KLHL32: variants seen among roughly 807,000 people sequenced by gnomAD.
KLHL32 encodes the protein kelch-like protein 32.
KLHL32 carries 35 observed loss-of-function variants against 64.8 expected under a neutral mutation model. The observed-to-expected ratio is 0.54, with a 90% CI of 0.41 to 0.72. KLHL32 has a LOEUF of 0.72. Ranked by LOEUF, KLHL32 falls within the 30% of genes least tolerant of loss-of-function variation. The pLI is 0.00. For missense variants in KLHL32, 589 were observed against 768.5 expected (o/e 0.77, Z 2.76); for synonymous variants, 259 against 281.0 (o/e 0.92, Z 0.78).
chr6:97,028,737 A>G (rs1255583125), intron 3 of KLHL32, among the ~76,000 whole-genome samples: 1 of 152,212 alleles, frequency 6.6e-6, no homozygotes, highest in African/African-American at 2.4e-5. Flanking sequence ...GCGAGAGATC[A>G]AACAGCCTCT....
At chr6:97,050,751 C>G (rs919417756) in intron 4 of KLHL32, among the ~76,000 whole-genome samples, 1 of 152,138 alleles carries the variant, frequency 6.6e-6, no homozygotes, top group African/African-American at 2.4e-5. Flanking sequence ...GCCTGTAATC[C>G]CAGCACTTTG....
At chr6:96,919,208 A>G in the KLHL32 span, among the ~76,000 whole-genome samples, 383 of 152,334 alleles carry the variant, frequency 2.5e-3, 1 homozygote, top group African/African-American at 8.8e-3. Flanking sequence ...AGCCACCAGT[A>G]TCCTTCCAAT....
intron 9 of KLHL32, 108 bp downstream of exon 9, chr6:97,131,057 G>C (rs1331123088): frequency 1.1e-6 from 1 of 900,278 alleles, no homozygotes; most frequent in African/African-American, 1.7e-5. Flanking sequence ...CATAGTTGTA[G>C]AAGAACCTGC....
At chr6:97,010,189 C>G (rs1343545883) in intron 3 of KLHL32, 1 of 149,816 alleles carries the variant, frequency 6.7e-6, no homozygotes, top group East Asian at 1.9e-4. Context: ...ACACTCTATG[C>G]CATGCTCCTG....
rs1333278793 is a variant in KLHL32, at chr6:97,069,028, A to AG, written c.411+4310dup. Among the ~76,000 whole-genome samples, 1,148 of 151,932 alleles carry AG rather than the reference A, an allele frequency of 7.6e-3. 15 individuals carry two copies. Among genetic ancestry groups the AG allele is most frequent in the African/African-American group, 0.025 (1,022 of 41,412 alleles). ...TTTATCATTGTAAGGGAAACAGAGA[A>AG]GGGGGGGGTCTGTTGCATTTGTTTT... On this transcript the variant is annotated intron_variant, in intron 5 of 10. Coordinates refer to ENST00000369261, the MANE Select transcript of KLHL32 (RefSeq NM_052904.4).
chr6:97,060,675 T>A (rs2128148259), intron 4 of KLHL32, among the ~76,000 whole-genome samples: 1 of 152,266 alleles, frequency 6.6e-6, no homozygotes, highest in Non-Finnish European at 1.5e-5. Flanking sequence ...CTACCAACCC[T>A]GCTTGGATTG....
chr6:97,013,546 A>G (rs536356616), intron 3 of KLHL32, among the ~76,000 whole-genome samples: 3 of 152,212 alleles, frequency 2.0e-5, no homozygotes, highest in Admixed American at 6.5e-5. Flanking sequence ...CCACATACAT[A>G]CACAGACACA....
intron 3 of KLHL32, among the ~76,000 whole-genome samples, chr6:96,994,925 C>T (rs1322170217): frequency 6.6e-6 from 1 of 152,162 alleles, no homozygotes; most frequent in South Asian, 2.1e-4. Context: ...CAGCAGGGAC[C>T]TAATCTGTCT....
In KLHL32 at chr6:97,085,207, G is replaced by A. The variant is rs144370224; in HGVS notation, c.493G>A (p.Asp165Asn). Reference protein sequence around the residue: ...NLTLLEKAVIDFLVKHLSELL... With the variant: ...NLTLLEKAVINFLVKHLSELL... ...CACTTTGTTGGAGAAGGCAGTGATCGATTTCTTAGTGAAACATCTCTCTGA... is the reference window on the plus strand; with the variant it reads ...CACTTTGTTGGAGAAGGCAGTGATCAATTTCTTAGTGAAACATCTCTCTGA... Residue 165 changes from aspartate to asparagine, a missense_variant, in exon 6 of 11, where the codon GAT (aspartate) becomes AAT (asparagine). By Grantham distance (23) the Asp-to-Asn change is conservative. This residue lies in a region of KLHL32 where 191 missense variants were observed against 223.3 expected (regional missense o/e 0.86). Transcript: ENST00000369261. 4.2e-4 allele frequency: 682 copies of A among 1,613,978 alleles called. No individual in the cohort carries two copies. Among genetic ancestry groups the A allele is most frequent in the Non-Finnish European group, 5.5e-4 (652 of 1,180,008 alleles).
At chr6:96,951,952 G>C (rs1216318203) in intron 1 of KLHL32, among the ~76,000 whole-genome samples, 1 of 152,136 alleles carries the variant, frequency 6.6e-6, no homozygotes, top group Non-Finnish European at 1.5e-5. Flanking sequence ...TCCCAGCTGG[G>C]ACCACTGTCT....
At chr6:96,899,882 G>C in the KLHL32 span, among the ~76,000 whole-genome samples, 1 of 152,164 alleles carries the variant, frequency 6.6e-6, no homozygotes, top group African/African-American at 2.4e-5. Flanking sequence ...CATCTGAGTG[G>C]AGTATTATGA....
chr6:96,935,855 G>A (rs1227988010), intron 1 of KLHL32, among the ~76,000 whole-genome samples: 1 of 152,318 alleles, frequency 6.6e-6, no homozygotes, highest in East Asian at 1.9e-4. Context: ...GCAATAATAT[G>A]ACCTTTTTCT....
At chr6:96,913,804 G>A in the KLHL32 span, among the ~76,000 whole-genome samples, 2 of 152,284 alleles carry the variant, frequency 1.3e-5, no homozygotes, top group South Asian at 2.1e-4. Context: ...TGCAGGCCAG[G>A]CTGGCACTGT....
the KLHL32 span, among the ~76,000 whole-genome samples, chr6:96,908,332 A>G: frequency 6.6e-6 from 1 of 152,236 alleles, no homozygotes; most frequent in Admixed American, 6.5e-5. Context: ...AAACCTTGCC[A>G]CACACAGAGG....
intron 4 of KLHL32, chr6:97,062,569 G>A (rs2128151049): frequency 2.0e-5 from 3 of 152,316 alleles, no homozygotes; most frequent in Admixed American, 2.0e-4. Flanking sequence ...GAAATATAGA[G>A]TCCTTTTTTC....
At chr6:97,110,785 G>A (rs528593518) in intron 6 of KLHL32, among the ~76,000 whole-genome samples, 6 of 152,356 alleles carry the variant, frequency 3.9e-5, no homozygotes, top group Admixed American at 3.9e-4. Flanking sequence ...CACGGGCAAT[G>A]GAGCTAGCTG....
At chr6:97,118,588 C>T (rs1206148) in intron 7 of KLHL32, among the ~76,000 whole-genome samples, 82,168 of 145,270 alleles carry the variant, frequency 0.57, 24,779 homozygotes, top group African/African-American at 0.79. Context: ...CACTGCACTC[C>T]AGCCTGGGCA....
At chr6:96,928,825 T>C (rs542962814) in intron 1 of KLHL32, among the ~76,000 whole-genome samples, 1 of 152,282 alleles carries the variant, frequency 6.6e-6, no homozygotes, top group East Asian at 1.9e-4. Flanking sequence ...AGTAGAGTCA[T>C]AGACTTGGAG....
At chr6:96,969,298 C>T (rs767753750) in intron 2 of KLHL32, among the ~76,000 whole-genome samples, 4 of 152,104 alleles carry the variant, frequency 2.6e-5, no homozygotes, top group Non-Finnish European at 5.9e-5. Context: ...TTACTCTTAC[C>T]ACAGCCTCCT....
Sources: gnomAD v4.1 joint callset for allele counts (sites outside exome capture counted in the v4.1 genomes callset) on GRCh38, gnomAD v4.1.1 for gene constraint, gnomAD v4.1.1 regional missense constraint, MANE v1.5 for transcripts, NCBI Gene and HGNC (gene_info 2026-07-23, HGNC 2026-07-21) for gene names.